The following JADE3 variants were observed in gnomAD, a reference collection of about 807,000 sequenced individuals.
JADE3 encodes jade family PHD finger 3.
In JADE3, 2 loss-of-function variants were observed where a neutral mutation model predicts 50.1. The observed-to-expected ratio is 0.04, with a 90% confidence interval of 0.02 to 0.13. The LOEUF (loss-of-function observed/expected upper bound fraction) is 0.13, where lower values mean the gene tolerates loss of function less well. JADE3 is among the 10% of genes least tolerant of loss of function. JADE3 has a pLI of 1.00. For synonymous variants in JADE3, 218 were observed against 232.9 expected, an observed-to-expected ratio of 0.94 and a Z score of 0.58; for missense variants, 475 against 634.4, an observed-to-expected ratio of 0.75 and a Z score of 2.70.
Position 47,060,875 on chromosome X carries a change from T to C in JADE3, c.*1798T>C, listed in dbSNP as rs1331395855. The C allele has an allele frequency of 8.9e-6, 1 of 112,389 alleles. No individual in the cohort carries two copies. Among genetic ancestry groups the C allele is most frequent in the Non-Finnish European group, 1.9e-5 (1 of 53,268 alleles). 9.3% of individuals were successfully genotyped at this position (112,389 alleles called of 1,213,427 possible). On this transcript the variant is annotated 3_prime_UTR_variant, in exon 11 of 11. Coordinates refer to ENST00000614628, the MANE Select transcript of JADE3 (RefSeq NM_014735.5). ...TTCCTTATGTCAGAGGCCAGTGCGGTAGCCTTTGTCCCTTCATGCCTTTCA... is the reference window on the plus strand; with the variant it reads ...TTCCTTATGTCAGAGGCCAGTGCGGCAGCCTTTGTCCCTTCATGCCTTTCA...
At chrX:47,004,959 C>T (rs1440034447) in intron 4 of JADE3, among the ~76,000 whole-genome samples, 2 of 111,743 alleles carry the variant, frequency 1.8e-5, no homozygotes, top group African/African-American at 6.5e-5. Context: ...CCCTATGCCT[C>T]CCACTAAGTA....
intron 9 of JADE3, 59 bp downstream of exon 9, chrX:47,054,687 C>T: frequency 1.4e-6 from 1 of 711,289 alleles, no homozygotes; most frequent in Non-Finnish European, 2.0e-6. Flanking sequence ...ATGGAGGTCC[C>T]ACTTCTGGTT....
intron 1 of JADE3, among the ~76,000 whole-genome samples, chrX:46,948,933 A>T (rs1037037925): frequency 1.4e-4 from 15 of 111,060 alleles, no homozygotes; most frequent in South Asian, 7.7e-4. Context: ...ACAATTTTTT[A>T]AAAAAACTCT....
chrX:46,940,406 C>T (rs1205515724), intron 1 of JADE3, among the ~76,000 whole-genome samples: 2 of 111,994 alleles, frequency 1.8e-5, no homozygotes, highest in Non-Finnish European at 3.8e-5. Flanking sequence ...CATTGAGACT[C>T]ATGCATAAGG....
chrX:47,038,673 GAA>G (rs1929188429), intron 7 of JADE3, among the ~76,000 whole-genome samples: 1 of 83,688 alleles, frequency 1.2e-5, no homozygotes, highest in African/African-American at 4.4e-5. Flanking sequence ...AAAAAAAAAA[GAA>G]GAAAGAAAGA....
chrX:47,049,140 A>G (rs1284664077), intron 8 of JADE3, among the ~76,000 whole-genome samples: 1 of 110,601 alleles, frequency 9.0e-6, no homozygotes, highest in Non-Finnish European at 1.9e-5. Flanking sequence ...TTTAGAAGAA[A>G]ACAAATAGGT....
chrX:46,916,113 G>A (rs1265249685), intron 1 of JADE3, among the ~76,000 whole-genome samples: 1 of 111,538 alleles, frequency 9.0e-6, no homozygotes, highest in Non-Finnish European at 1.9e-5. Flanking sequence ...TACCAGCATG[G>A]CCAATACACT....
At chrX:47,003,393 C>T (rs995914784) in intron 4 of JADE3, among the ~76,000 whole-genome samples, 2 of 109,050 alleles carry the variant, frequency 1.8e-5, no homozygotes, top group African/African-American at 3.3e-5. Flanking sequence ...TCTCCAAATA[C>T]AGTCACATTG....
intron 1 of JADE3, among the ~76,000 whole-genome samples, chrX:46,925,948 T>C (rs1926352545): frequency 9.1e-6 from 1 of 109,776 alleles, no homozygotes; most frequent in Non-Finnish European, 1.9e-5. Flanking sequence ...CTCAAACTCC[T>C]GGGCTCAAGT....
At chrX:47,047,623 G>C (rs1929406257) in intron 8 of JADE3, among the ~76,000 whole-genome samples, 1 of 111,233 alleles carries the variant, frequency 9.0e-6, no homozygotes, top group South Asian at 3.8e-4. Context: ...TAATAAGAAA[G>C]GCAAACAATC....
chrX:46,975,042 A>G (rs1476686507), intron 1 of JADE3, among the ~76,000 whole-genome samples: 3 of 11,733 alleles, frequency 2.6e-4, no homozygotes, highest in African/African-American at 6.5e-4. Context: ...GATATTGCCA[A>G]ATGTCCCCTG....
chrX:46,953,341 A>T (rs986204050), intron 1 of JADE3, among the ~76,000 whole-genome samples: 8 of 111,110 alleles, frequency 7.2e-5, no homozygotes, highest in African/African-American at 2.6e-4. Flanking sequence ...TGTTGAATTC[A>T]GGCCAGTGAA....
chrX:46,955,480 T>C (rs1220206308), intron 1 of JADE3, among the ~76,000 whole-genome samples: 1 of 112,517 alleles, frequency 8.9e-6, no homozygotes, highest in Non-Finnish European at 1.9e-5. Flanking sequence ...AGTATAATTC[T>C]TGTGACTCTC....
At chrX:46,935,483 G>A (rs1926595656) in intron 1 of JADE3, among the ~76,000 whole-genome samples, 1 of 110,693 alleles carries the variant, frequency 9.0e-6, no homozygotes, top group Non-Finnish European at 1.9e-5. Flanking sequence ...AGGAGGAGGT[G>A]AACAGTGGGC....
Position 47,054,211 on chromosome X carries a change from C to T in JADE3, c.1026C>T (p.His342=), listed in dbSNP as rs1311939874. 10 of 1,206,987 alleles carry T rather than the reference C, an allele frequency of 8.3e-6. No individual in the cohort carries two copies. The highest frequency in any genetic ancestry group is 4.4e-5 in the Admixed American group (2 of 45,211). The change falls in exon 9 of 11, where the codon CAC becomes CAT. Residue 342 remains histidine (H), a synonymous_variant. Coordinates refer to ENST00000614628, the MANE Select transcript of JADE3 (RefSeq NM_014735.5). ...TAFHVTCAFE[H]GLEMKTILDE... ...TCCACGTCACCTGTGCCTTTGAGCA[C>T]GGCCTAGAGATGAAGACCATCCTAG...
At chrX:46,949,006 C>T (rs970482909) in intron 1 of JADE3, among the ~76,000 whole-genome samples, 6 of 111,292 alleles carry the variant, frequency 5.4e-5, no homozygotes, top group African/African-American at 2.0e-4. Flanking sequence ...CAATCATGGC[C>T]CACTGCAGCC....
chrX:46,947,308 C>T (rs1328176586), intron 1 of JADE3, among the ~76,000 whole-genome samples: 7 of 111,606 alleles, frequency 6.3e-5, no homozygotes, highest in African/African-American at 2.3e-4. Context: ...CATGAGCCAC[C>T]GCGCCTGGCC....
At position 47,038,916 on chromosome X, in the gene JADE3, T is replaced by A. The variant is rs1716656342; in HGVS notation, c.856-33T>A. Reference sequence around the variant, plus strand: ...GAAAGGTACTTCTGGGATGCCTTGGTACTTCTGCCTTATGGTGGTATTTTA... The same window carrying A: ...GAAAGGTACTTCTGGGATGCCTTGGAACTTCTGCCTTATGGTGGTATTTTA... On this transcript the variant is annotated intron_variant, in intron 7 of 10. Coordinates refer to ENST00000614628, the MANE Select transcript of JADE3 (RefSeq NM_014735.5). 3 of 791,501 alleles carry A rather than the reference T, an allele frequency of 3.8e-6. No homozygotes were observed. The African/African-American group carries it at 6.1e-5, about 16-fold the overall frequency. The allele number at this position is 791,501 out of a possible 1,213,427, so 65.2% of individuals were successfully genotyped here.
rs183408810 is a variant in JADE3, at chrX:47,040,957, T to A, written c.972+1892T>A. 5.6e-3 allele frequency among the ~76,000 whole-genome samples: 633 copies of A among 112,296 alleles called. 2 individuals are homozygous for A. Among genetic ancestry groups the A allele is most frequent in the African/African-American group, 0.012 (365 of 30,940 alleles). ...CTTATATTTGACAGAATTGGCTACT[T>A]CTTCTTTTTTTTAACCTTTCTTGGA... On this transcript the variant is annotated intron_variant, in intron 8 of 10. Coordinates refer to ENST00000614628, the MANE Select transcript of JADE3 (RefSeq NM_014735.5).
Sources: gnomAD v4.1 joint callset for allele counts (sites outside exome capture counted in the v4.1 genomes callset) on GRCh38, gnomAD v4.1.1 for gene constraint, MANE v1.5 for transcripts, NCBI Gene and HGNC (gene_info 2026-07-23, HGNC 2026-07-21) for gene names.